C16orf95: variants seen among roughly 807,000 people sequenced by gnomAD.
The protein encoded by C16orf95 is uncharacterized protein C16orf95.
C16orf95 carries 41 observed loss-of-function variants against 32.1 expected under a neutral mutation model. The observed-to-expected ratio is 1.28, with a 90% CI of 1.00 to 1.66. The LOEUF is 1.66. C16orf95 is among the 40% of genes most tolerant of loss of function. The pLI, the probability that C16orf95 is intolerant of heterozygous loss-of-function variation, is 0.00. For synonymous variants in C16orf95, 147 were observed against 128.9 expected (o/e 1.14, Z -0.95); for missense variants, 399 against 325.9 (o/e 1.22, Z -1.73).
At chr16:87,316,173 C>T (rs1205010465) in intron 1 of C16orf95, among the ~76,000 whole-genome samples, 1 of 152,190 alleles carries the variant, frequency 6.6e-6, no homozygotes, top group Non-Finnish European at 1.5e-5. Flanking sequence ...ATGTAGCTGC[C>T]AATCACATCA....
At position 87,305,875 on chromosome 16, in the gene C16orf95, T is replaced by C; in HGVS notation, c.545A>G (p.Asn182Ser). The C allele has an allele frequency of 1.4e-6, 2 of 1,441,940 alleles. No individual in the cohort carries two copies. The highest frequency in any genetic ancestry group is 1.5e-5 in the African/African-American group (1 of 68,418). The allele number at this position is 1,441,940 out of a possible 1,614,324, so 89.3% of individuals were successfully genotyped here. A position where few individuals can be genotyped will look rare whatever the true frequency, so the allele number is the denominator to read the frequency against. Residue 182 changes from asparagine to serine, a missense_variant, in exon 6 of 7, where the codon AAC becomes AGC. Physicochemically the swap from Asn to Ser is conservative, Grantham distance 46. Transcript: ENST00000567970. This position sits in a 1 kb window ranked among gnomAD's most constrained non-coding sequence, Gnocchi z 4.2. ...APLLDACCWH[N>S]CWRICGDECL... ...CTCATCACCGCAGATCCGCCAGCAG[T>C]TGTGCCAGCAGCATGCATCCAGCAG...
intron 3 of C16orf95, among the ~76,000 whole-genome samples, chr16:87,311,690 T>C (rs1280622363): frequency 6.6e-6 from 1 of 152,238 alleles, no homozygotes; most frequent in Non-Finnish European, 1.5e-5. Flanking sequence ...TGAAGAGGGC[T>C]CTGCTGGCAT....
chr16:87,315,735 G>C, intron 2 of C16orf95, 37 bp downstream of exon 2: 2 of 1,487,890 alleles, frequency 1.3e-6, no homozygotes. Context: ...GGATATGTTG[G>C]GGTCAGGGCC....
intron 3 of C16orf95, among the ~76,000 whole-genome samples, chr16:87,312,568 CAA>C (rs71389850): frequency 4.6e-5 from 4 of 86,038 alleles, no homozygotes; most frequent in African/African-American, 5.2e-5. Flanking sequence ...GACTCCATCT[CAA>C]AAAAAAAAAA....
chr16:87,310,395 T>C, intron 4 of C16orf95, 62 bp from the exon 5 acceptor site: 1 of 1,494,306 alleles, frequency 6.7e-7, no homozygotes. Flanking sequence ...GAAGGCCTGG[T>C]GATTGGGACT....
At position 87,317,273 on chromosome 16, in the gene C16orf95, C is replaced by G; in HGVS notation, c.-31G>C. On this transcript the variant is annotated 5_prime_UTR_variant, in exon 1 of 7. Transcript: ENST00000567970. ...TTCTTATGGCTGACGCGCCCTTTCACACACACATCGTCCGCAGGCCCTGAC... is the reference window on the plus strand; with the variant it reads ...TTCTTATGGCTGACGCGCCCTTTCAGACACACATCGTCCGCAGGCCCTGAC... The G allele has an allele frequency of 6.7e-7, 1 of 1,492,556 alleles. No individual in the cohort carries two copies. 92.5% of individuals were successfully genotyped at this position (1,492,556 alleles called of 1,614,324 possible).
intron 2 of C16orf95, 69 bp downstream of exon 2, chr16:87,315,703 C>T (rs940712274): frequency 8.1e-7 from 1 of 1,228,708 alleles, no homozygotes; most frequent in African/African-American, 1.5e-5. Flanking sequence ...GACCCACATT[C>T]CCTGCTCTCC....
At chr16:87,309,049 A>T (rs1403391259) in intron 5 of C16orf95, among the ~76,000 whole-genome samples, 1 of 152,166 alleles carries the variant, frequency 6.6e-6, no homozygotes, top group Non-Finnish European at 1.5e-5. Context: ...TTCTTAAATG[A>T]GTCACCCATC....
chr16:87,306,369 G>T (rs1313805585), intron 5 of C16orf95, among the ~76,000 whole-genome samples: 1 of 152,186 alleles, frequency 6.6e-6, no homozygotes, highest in African/African-American at 2.4e-5. Context: ...GAATTCCAAC[G>T]TTTCCATTTC....
rs977124498 is a variant in C16orf95, at chr16:87,302,865, C to T, written c.*192G>A. 1.3e-5 allele frequency: 8 copies of T among 625,806 alleles called. No homozygotes were observed. The highest frequency in any genetic ancestry group is 2.3e-5 in the Non-Finnish European group (8 of 350,382). 38.8% of individuals were successfully genotyped at this position (625,806 alleles called of 1,614,324 possible). ...TGACCACATTCATAACAGAAACTCA[C>T]CCACATTCACATGAACTTTGCTACA... On this transcript the variant is annotated 3_prime_UTR_variant, in exon 7 of 7. Coordinates refer to ENST00000567970, the MANE Select transcript of C16orf95 (RefSeq NM_001195124.3).
chr16:87,306,041 G>C (rs1911012789), intron 5 of C16orf95, 136 bp from the exon 6 acceptor site: 1 of 593,578 alleles, frequency 1.7e-6, no homozygotes, highest in Admixed American at 3.9e-5. Context: ...CCGGGGTGGG[G>C]ACACTGACCC....
chr16:87,313,362 T>G (rs1364987964), intron 3 of C16orf95, among the ~76,000 whole-genome samples: 1 of 152,208 alleles, frequency 6.6e-6, no homozygotes, highest in East Asian at 1.9e-4. Context: ...CAGAAATAAA[T>G]TCATACATAT....
chr16:87,316,986 G>A, intron 1 of C16orf95, 105 bp downstream of exon 1: 1 of 1,390,002 alleles, frequency 7.2e-7, no homozygotes, highest in Non-Finnish European at 9.3e-7. Context: ...TCCTGTGGGT[G>A]GCGGTCAAGA....
At position 87,303,013 on chromosome 16, in the gene C16orf95, C is replaced by A; in HGVS notation, c.*44G>T. ...GGACTCTCAAAGATCTTGATCGTGA[C>A]ACATTTTTGTGGCTGTTCTTGACAG... On this transcript the variant is annotated 3_prime_UTR_variant, in exon 7 of 7. Transcript: ENST00000567970. 6.5e-7 allele frequency: 1 copy of A among 1,533,234 alleles called. No individual in the cohort carries two copies. Among genetic ancestry groups the A allele is most frequent in the Non-Finnish European group, 8.7e-7 (1 of 1,144,244 alleles). 95.0% of individuals were successfully genotyped at this position (1,533,234 alleles called of 1,614,324 possible).
chr16:87,310,414 C>G, intron 4 of C16orf95, 81 bp from the exon 5 acceptor site: 1 of 1,375,606 alleles, frequency 7.3e-7, no homozygotes, highest in Non-Finnish European at 1.0e-6. Context: ...CTCCAAACCT[C>G]CAGGAGGGGC....
intron 5 of C16orf95, among the ~76,000 whole-genome samples, chr16:87,307,962 T>G (rs1911101581): frequency 6.6e-6 from 1 of 152,126 alleles, no homozygotes; most frequent in Non-Finnish European, 1.5e-5. Flanking sequence ...CCTTTAAAGA[T>G]TTTTTAAGAT....
rs375920439 is a variant in C16orf95, at chr16:87,315,179, G to A, written c.205-83C>T. 1.0e-5 allele frequency: 14 copies of A among 1,390,940 alleles called. No homozygotes were observed. In the East Asian group the frequency reaches 2.0e-4, roughly 20 times the overall value. 86.2% of individuals were successfully genotyped at this position (1,390,940 alleles called of 1,614,324 possible). On this transcript the variant is annotated intron_variant, in intron 2 of 6. Transcript: ENST00000567970. ...GGAGGCTCTCAAGCACAGTAGATCC[G>A]TGCTCAGGAAGATGGTGTCCGGGGG...
At chr16:87,312,568 C>CAAAAAAAAAAAAAAA (rs71389850) in intron 3 of C16orf95, among the ~76,000 whole-genome samples, 2 of 86,052 alleles carry the variant, frequency 2.3e-5, no homozygotes, top group Non-Finnish European at 4.2e-5. Flanking sequence ...GACTCCATCT[C>CAAAAAAAAAAAAAAA]AAAAAAAAAA....
chr16:87,307,595 T>G (rs1055582839), intron 5 of C16orf95, among the ~76,000 whole-genome samples: 10 of 151,936 alleles, frequency 6.6e-5, no homozygotes, highest in African/African-American at 2.4e-4. Flanking sequence ...CCATCTCTAA[T>G]AAAAATACAA....
Sources: gnomAD v4.1 joint callset for allele counts (sites outside exome capture counted in the v4.1 genomes callset) on GRCh38, gnomAD v4.1.1 for gene constraint, Gnocchi (gnomAD v3.1) non-coding constraint, MANE v1.5 for transcripts, NCBI Gene and HGNC (gene_info 2026-07-23, HGNC 2026-07-21) for gene names.